The following PPP1R1C variants were observed in gnomAD, a reference collection of about 807,000 sequenced individuals.
PPP1R1C encodes the protein protein phosphatase 1 regulatory subunit 1C.
Under a neutral mutation model 17.4 loss-of-function variants are expected in PPP1R1C, and 15 were observed. The observed-to-expected ratio is 0.86, with a 90% confidence interval of 0.58 to 1.33. PPP1R1C has a LOEUF of 1.33. Ranked by LOEUF, PPP1R1C falls within the 40% of genes most tolerant of loss-of-function variation. The pLI, the probability that PPP1R1C is intolerant of heterozygous loss-of-function variation, is 0.00. For synonymous variants in PPP1R1C, 35 were observed against 43.1 expected, an observed-to-expected ratio of 0.81 and a Z score of 0.73; for missense variants, 143 against 130.0, an observed-to-expected ratio of 1.10 and a Z score of -0.48.
At chr2:182,036,068 C>G (rs935887141) in intron 2 of PPP1R1C, among the ~76,000 whole-genome samples, 5 of 152,144 alleles carry the variant, frequency 3.3e-5, no homozygotes, top group Admixed American at 3.3e-4. Context: ...AACGGGCTCT[C>G]CAAAACAAGT....
intron 4 of PPP1R1C, among the ~76,000 whole-genome samples, chr2:182,113,807 G>T (rs1689506908): frequency 6.6e-6 from 1 of 151,540 alleles, no homozygotes. Context: ...TACAAATTTT[G>T]TGTTATCTAC....
At chr2:182,044,649 A>G (rs1687288222) in intron 2 of PPP1R1C, among the ~76,000 whole-genome samples, 1 of 152,150 alleles carries the variant, frequency 6.6e-6, no homozygotes, top group South Asian at 2.1e-4. Flanking sequence ...GCACTTATTT[A>G]TCATACTGTA....
At chr2:182,041,234 C>G (rs1687172475) in intron 2 of PPP1R1C, among the ~76,000 whole-genome samples, 1 of 152,116 alleles carries the variant, frequency 6.6e-6, no homozygotes, top group African/African-American at 2.4e-5. Flanking sequence ...GTGTTTTAAT[C>G]TAAGTTTCTT....
chr2:182,072,359 T>C (rs764925638), intron 4 of PPP1R1C, among the ~76,000 whole-genome samples: 1 of 152,246 alleles, frequency 6.6e-6, no homozygotes, highest in African/African-American at 2.4e-5. Flanking sequence ...CTGTTTGCTT[T>C]ACTTAAATCA....
chr2:182,002,486 C>T (rs12478631), intron 2 of PPP1R1C, among the ~76,000 whole-genome samples: 5,427 of 151,704 alleles, frequency 0.036, 377 homozygotes, highest in Admixed American at 0.18. Flanking sequence ...AAAAACAAAC[C>T]TTTGTTTCCA....
At chr2:182,051,733 A>C (rs1033783161) in intron 2 of PPP1R1C, among the ~76,000 whole-genome samples, 7 of 152,180 alleles carry the variant, frequency 4.6e-5, no homozygotes, top group Non-Finnish European at 7.4e-5. Flanking sequence ...TGACCTCTCT[A>C]TGTTTATTCC....
At chr2:182,025,196 ATT>A in intron 2 of PPP1R1C, among the ~76,000 whole-genome samples, 1 of 145,786 alleles carries the variant, frequency 6.9e-6, no homozygotes. Context: ...TATTATTATT[ATT>A]ATTTATTTAT....
chr2:182,061,335 T>C (rs569610085), intron 2 of PPP1R1C, 107 bp from the exon 3 acceptor site: 1 of 809,654 alleles, frequency 1.2e-6, no homozygotes, highest in South Asian at 2.0e-5. Flanking sequence ...AGTTTTTGTA[T>C]AAGGCAATTA....
intron 5 of PPP1R1C, among the ~76,000 whole-genome samples, chr2:182,127,823 T>A (rs1689911601): frequency 6.6e-6 from 1 of 152,082 alleles, no homozygotes; most frequent in Non-Finnish European, 1.5e-5. Flanking sequence ...AGTATCTGAT[T>A]CCCAAGTGAA....
At chr2:182,065,728 T>A (rs1687966693) in intron 4 of PPP1R1C, among the ~76,000 whole-genome samples, 1 of 151,982 alleles carries the variant, frequency 6.6e-6, no homozygotes. Flanking sequence ...TGAGACCCAG[T>A]CTCTAAAAAA....
chr2:181,988,827 A>G (rs892175571), intron 2 of PPP1R1C, among the ~76,000 whole-genome samples: 1 of 152,210 alleles, frequency 6.6e-6, no homozygotes, highest in African/African-American at 2.4e-5. Context: ...CTAATAGGCT[A>G]TTCATCATTT....
chr2:182,006,404 C>T (rs896393550), intron 2 of PPP1R1C, among the ~76,000 whole-genome samples: 2 of 152,092 alleles, frequency 1.3e-5, no homozygotes, highest in African/African-American at 2.4e-5. Flanking sequence ...TAAAGTTAAT[C>T]GGATCTGCAT....
rs1014442875 is a variant in PPP1R1C, at chr2:182,069,453, CT to C, written c.241+5673del. On this transcript the variant is annotated intron_variant, in intron 4 of 4. Coordinates refer to ENST00000682840, the MANE Select transcript of PPP1R1C (RefSeq NM_001080545.3). ...CCTTTCTTGCAAGTCACTAAGGTAT[CT>C]TTTTTTTTTTGGAGGTCAACATTGA... Among the ~76,000 whole-genome samples the C allele has an allele frequency of 4.2e-3, 604 of 144,126 alleles. 21 individuals carry two copies. Among genetic ancestry groups the C allele is most frequent in the Admixed American group, 0.034 (486 of 14,450 alleles). The allele number at this position is 144,126 out of a possible 152,430, so 94.6% of individuals were successfully genotyped here.
intron 4 of PPP1R1C, among the ~76,000 whole-genome samples, chr2:182,103,156 T>C (rs921984567): frequency 3.9e-5 from 6 of 152,210 alleles, no homozygotes; most frequent in African/African-American, 1.4e-4. Context: ...GGGGGGAGGT[T>C]CTGATTTTGT....
intron 1 of PPP1R1C, among the ~76,000 whole-genome samples, chr2:181,987,124 G>A (rs1248891116): frequency 6.6e-6 from 1 of 152,018 alleles, no homozygotes; most frequent in Admixed American, 6.6e-5. Context: ...ATCTTGGACA[G>A]GATGTCATTG....
intron 4 of PPP1R1C, among the ~76,000 whole-genome samples, chr2:182,077,573 C>T (rs955134410): frequency 1.3e-5 from 2 of 152,118 alleles, no homozygotes; most frequent in African/African-American, 2.4e-5. Context: ...TATTTTTTCA[C>T]GTAATTATGT....
intron 2 of PPP1R1C, among the ~76,000 whole-genome samples, chr2:182,021,890 T>C (rs1195790156): frequency 6.6e-6 from 1 of 152,200 alleles, no homozygotes; most frequent in Non-Finnish European, 1.5e-5. Flanking sequence ...GCTAATCACC[T>C]GACACATTGC....
chr2:182,081,254 A>T (rs1688466656), intron 4 of PPP1R1C, among the ~76,000 whole-genome samples: 1 of 152,210 alleles, frequency 6.6e-6, no homozygotes, highest in Non-Finnish European at 1.5e-5. Flanking sequence ...ATATTTATAC[A>T]AAAGGGGGTT....
intron 3 of PPP1R1C, 38 bp from the exon 4 acceptor site, chr2:182,063,693 C>T (rs1434563273): frequency 1.3e-6 from 2 of 1,552,428 alleles, no homozygotes; most frequent in South Asian, 2.2e-5. Flanking sequence ...ACTTTGTATC[C>T]AAATCTAAGG....
Sources: allele counts gnomAD v4.1 joint callset (sites outside exome capture counted in the v4.1 genomes callset), GRCh38; gene constraint gnomAD v4.1.1; transcripts MANE v1.5; gene names NCBI Gene and HGNC (gene_info 2026-07-23, HGNC 2026-07-21).